LTBP2: variants seen among roughly 807,000 people sequenced by gnomAD.
LTBP2 encodes latent-transforming growth factor beta-binding protein 2.
In LTBP2, 103 loss-of-function variants were observed where a neutral mutation model predicts 210.6. The ratio of observed to expected loss-of-function variants is 0.49; its 90% CI spans 0.42 to 0.58. The LOEUF (loss-of-function observed/expected upper bound fraction) is 0.58. Among genes scored for constraint, LTBP2 ranks in the 20% least tolerant of loss-of-function variants. The pLI is 0.00. For synonymous variants in LTBP2, 1,007 were observed against 1,015.0 expected, an observed-to-expected ratio of 0.99 and a Z score of 0.15; for missense variants, 2,313 against 2,494.5, an observed-to-expected ratio of 0.93 and a Z score of 1.55.
intron 4 of LTBP2, 42 bp downstream of exon 4, chr14:74,555,461 A>G: frequency 6.3e-7 from 1 of 1,597,462 alleles, no homozygotes; most frequent in Non-Finnish European, 8.6e-7. Flanking sequence ...AGAGAGTTCT[A>G]GAGGCCCTGC....
intron 2 of LTBP2, among the ~76,000 whole-genome samples, chr14:74,590,665 A>G (rs2088270020): frequency 6.6e-6 from 1 of 152,250 alleles, no homozygotes; most frequent in South Asian, 2.1e-4. Context: ...CATAGAAAAG[A>G]ATGAAATAAT....
intron 9 of LTBP2, among the ~76,000 whole-genome samples, chr14:74,534,417 T>C (rs1739557400): frequency 1.3e-5 from 2 of 152,222 alleles, no homozygotes; most frequent in African/African-American, 4.8e-5. Flanking sequence ...CTTTTGCTTA[T>C]GGGGTTCACA....
intron 18 of LTBP2, among the ~76,000 whole-genome samples, chr14:74,516,239 G>A (rs2087133038): frequency 6.6e-6 from 1 of 152,260 alleles, no homozygotes; most frequent in Non-Finnish European, 1.5e-5. Context: ...CAGCAAAGCT[G>A]CCAGGGGTCT....
At chr14:74,558,150 A>G (rs2087751868) in intron 3 of LTBP2, among the ~76,000 whole-genome samples, 1 of 152,224 alleles carries the variant, frequency 6.6e-6, no homozygotes, top group East Asian at 1.9e-4. Flanking sequence ...CTATAATCCC[A>G]GCACTTTGGG....
At chr14:74,516,112 C>A (rs986126547) in intron 18 of LTBP2, among the ~76,000 whole-genome samples, 2 of 152,238 alleles carry the variant, frequency 1.3e-5, no homozygotes, top group African/African-American at 4.8e-5. Flanking sequence ...GGGCCAGGTT[C>A]TTCTTGGACT....
intron 4 of LTBP2, 106 bp downstream of exon 4, chr14:74,555,396 CA>C: frequency 8.7e-7 from 1 of 1,153,248 alleles, no homozygotes; most frequent in Non-Finnish European, 1.3e-6. Flanking sequence ...GAATGAGGGA[CA>C]AGGTGACAAC....
chr14:74,606,942 C>T (rs1321079477), intron 1 of LTBP2, among the ~76,000 whole-genome samples: 1 of 152,070 alleles, frequency 6.6e-6, no homozygotes, highest in Non-Finnish European at 1.5e-5. Flanking sequence ...TTAGTACTGC[C>T]TGTCTCAGGT....
chr14:74,578,056 A>G (rs181674962), intron 3 of LTBP2, among the ~76,000 whole-genome samples: 235 of 152,096 alleles, frequency 1.5e-3, no homozygotes, highest in African/African-American at 5.3e-3. Context: ...AGAAGCCCAG[A>G]GGGGAGGGTG....
chr14:74,504,112 G>C (rs947715625), intron 30 of LTBP2, 58 bp from the exon 31 acceptor site: 1 of 1,598,642 alleles, frequency 6.3e-7, no homozygotes, highest in Non-Finnish European at 8.5e-7. Context: ...GGGGTACCTA[G>C]AGCAGGGAAT....
At position 74,552,352 on chromosome 14, in the gene LTBP2, C is replaced by T. The variant is rs761901793; in HGVS notation, c.1234G>A (p.Gly412Ser). 1.4e-5 allele frequency: 22 copies of T among 1,611,508 alleles called. No individual in the cohort carries two copies. The highest frequency in any genetic ancestry group is 2.2e-5 in the East Asian group (1 of 44,892). Residue 412 changes from glycine (G) to serine (S), a missense_variant, in exon 6 of 36, where the codon GGC becomes AGC. Gly to Ser is a moderately conservative substitution (Grantham distance 56, BLOSUM62 0). Transcript: ENST00000261978. ...IPCLNGGRCIGRDECWCPANS... is the reference protein window; with the variant it reads ...IPCLNGGRCISRDECWCPANS... ...GCGGGGCACCAGCATTCGTCCCTGCCGATGCAGCGGCCTCCGTTCAGGCAG... is the reference window on the plus strand; with the variant it reads ...GCGGGGCACCAGCATTCGTCCCTGCTGATGCAGCGGCCTCCGTTCAGGCAG...
At chr14:74,579,001 G>A (rs528344403) in intron 3 of LTBP2, among the ~76,000 whole-genome samples, 3 of 152,272 alleles carry the variant, frequency 2.0e-5, no homozygotes, top group East Asian at 3.9e-4. Flanking sequence ...GATTACAGGC[G>A]CCTGCCACCA....
chr14:74,553,617 G>T (rs1479628546), intron 4 of LTBP2, among the ~76,000 whole-genome samples: 1 of 152,146 alleles, frequency 6.6e-6, no homozygotes, highest in Non-Finnish European at 1.5e-5. Context: ...TTATTTGGTG[G>T]GTGATGGGGA....
At chr14:74,596,786 A>G (rs1269411723) in intron 2 of LTBP2, among the ~76,000 whole-genome samples, 5 of 152,292 alleles carry the variant, frequency 3.3e-5, no homozygotes, top group East Asian at 1.9e-4. Flanking sequence ...CGAGCAGTCA[A>G]GTCGATGGGG....
chr14:74,577,540 A>G (rs933208756), intron 3 of LTBP2, among the ~76,000 whole-genome samples: 3 of 134,748 alleles, frequency 2.2e-5, no homozygotes, highest in Admixed American at 8.2e-5. Flanking sequence ...ACAGAGTCTC[A>G]CTCTGTTGCC....
In LTBP2 at chr14:74,543,377, C is replaced by CAAA. The variant is rs71119305; in HGVS notation, c.1789+6483_1789+6485dup. On this transcript the variant is annotated intron_variant, in intron 8 of 35. Coordinates refer to ENST00000261978, the MANE Select transcript of LTBP2 (RefSeq NM_000428.3). Reference sequence around the variant, plus strand: ...TGGGTGACAGAGCGAGACTCCGTCTCAAAAAAAAAAAAAAAAAAAACAGTG... The same window carrying CAAA: ...TGGGTGACAGAGCGAGACTCCGTCTCAAAAAAAAAAAAAAAAAAAAAAACAGTG... Among the ~76,000 whole-genome samples, 112 of 96,192 alleles carry CAAA rather than the reference C, an allele frequency of 1.2e-3. 2 individuals carry two copies. The highest frequency in any genetic ancestry group is 7.2e-3 in the South Asian group (18 of 2,510). The allele number at this position is 96,192 out of a possible 152,430, so 63.1% of individuals were successfully genotyped here.
At chr14:74,600,283 G>A (rs2088427597) in intron 2 of LTBP2, among the ~76,000 whole-genome samples, 1 of 152,252 alleles carries the variant, frequency 6.6e-6, no homozygotes, top group African/African-American at 2.4e-5. Flanking sequence ...GGGAGGGGCT[G>A]TTGCCCACTG....
intron 17 of LTBP2, among the ~76,000 whole-genome samples, 178 bp downstream of exon 17, chr14:74,521,733 G>A (rs566983665): frequency 6.6e-5 from 10 of 152,226 alleles, no homozygotes; most frequent in African/African-American, 2.4e-4. Flanking sequence ...CCTTGCCACT[G>A]GCATAGAATC....
chr14:74,549,843 C>G lies in LTBP2; in HGVS notation c.1789+20G>C, dbSNP rs1179880093. ...GGAGAGCTTCCTCCACAACACGTGA[C>G]CTTGGACTCCAGCACTCACCTGGTC... is the stretch of plus-strand genomic sequence containing the variant. On this transcript the variant is annotated intron_variant, in intron 8 of 35. Transcript: ENST00000261978. 1.2e-6 allele frequency: 2 copies of G among 1,602,666 alleles called. No homozygotes were observed. Among genetic ancestry groups the G allele is most frequent in the Non-Finnish European group, 1.7e-6 (2 of 1,169,704 alleles).
intron 20 of LTBP2, 26 bp from the exon 21 acceptor site, chr14:74,509,885 T>C: frequency 1.9e-6 from 3 of 1,613,910 alleles, no homozygotes; most frequent in Non-Finnish European, 2.5e-6. Context: ...GCATTCTGTG[T>C]GGGACTCTGC....
Sources: gnomAD v4.1 joint callset for allele counts (sites outside exome capture counted in the v4.1 genomes callset) on GRCh38, gnomAD v4.1.1 for gene constraint, MANE v1.5 for transcripts, NCBI Gene and HGNC (gene_info 2026-07-23, HGNC 2026-07-21) for gene names.